Variants in MRPL38 observed in about 807,000 individuals in gnomAD.
The protein encoded by MRPL38 is large ribosomal subunit protein mL38.
MRPL38 carries 51 observed loss-of-function variants against 52.1 expected under a neutral mutation model. The observed-to-expected ratio is 0.98, with a 90% CI of 0.78 to 1.24. The LOEUF is 1.24. MRPL38 is among the 50% of genes most tolerant of loss of function. MRPL38 has a pLI of 0.00. For synonymous variants in MRPL38, 245 were observed against 212.7 expected (o/e 1.15, Z -1.32); for missense variants, 527 against 518.6 (o/e 1.02, Z -0.16).
chr17:75,904,797 C>T lies in MRPL38; in HGVS notation c.67+12G>A. On this transcript the variant is annotated intron_variant, in intron 1 of 8. Transcript: ENST00000309352. The stretch of plus-strand genomic sequence containing the variant: ...CCCCCCCCCCCCCCCCGCAGAGCTG[C>T]CCACCCCTCACCCGAGGTGCTGAAG... 1 of 1,430,398 alleles carries T rather than the reference C, an allele frequency of 7.0e-7. No homozygotes were observed. Among genetic ancestry groups the T allele is most frequent in the Non-Finnish European group, 9.3e-7 (1 of 1,077,376 alleles). 88.6% of individuals were successfully genotyped at this position (1,430,398 alleles called of 1,614,324 possible).
rs1330347033 is a variant in MRPL38 at position 75,898,657 on chromosome 17, C to T, written c.*193G>A. On this transcript the variant is annotated 3_prime_UTR_variant, in exon 9 of 9. Transcript: ENST00000309352. ...TGAGCCACCAAGCCCGGCAAGAAATCATGTTTATTCACATTCCCCACCCCA... is the reference window on the plus strand; with the variant it reads ...TGAGCCACCAAGCCCGGCAAGAAATTATGTTTATTCACATTCCCCACCCCA... 24 of 618,906 alleles carry T rather than the reference C, an allele frequency of 3.9e-5. No individual in the cohort carries two copies. Among genetic ancestry groups the T allele is most frequent in the Admixed American group, 6.1e-5 (2 of 33,036 alleles). The allele number at this position is 618,906 out of a possible 1,614,324, so 38.3% of individuals were successfully genotyped here.
Position 75,904,738 on chromosome 17 carries a change from C to A in MRPL38, c.68-19G>T. On this transcript the variant is annotated intron_variant, in intron 1 of 8. Coordinates refer to ENST00000309352, the MANE Select transcript of MRPL38 (RefSeq NM_032478.4). ...AGGACGGCTGCGGGCAGAGAGAAGA[C>A]GTAAGGCCGGCGCCCCACAGCTCGG... is the stretch of plus-strand genomic sequence containing the variant. The A allele has an allele frequency of 6.7e-7, 1 of 1,503,076 alleles. No individual in the cohort carries two copies. Among genetic ancestry groups the A allele is most frequent in the Non-Finnish European group, 8.8e-7 (1 of 1,133,822 alleles). 93.1% of individuals were successfully genotyped at this position (1,503,076 alleles called of 1,614,324 possible).
At position 75,898,647 on chromosome 17, in the gene MRPL38, G is replaced by C; in HGVS notation, c.*203C>G. 1.7e-6 allele frequency: 1 copy of C among 600,460 alleles called. No homozygotes were observed. Among genetic ancestry groups the C allele is most frequent in the Non-Finnish European group, 2.9e-6 (1 of 347,028 alleles). The allele number at this position is 600,460 out of a possible 1,614,324, so 37.2% of individuals were successfully genotyped here. ...ATTACAGGTGTGAGCCACCAAGCCC[G>C]GCAAGAAATCATGTTTATTCACATT... On this transcript the variant is annotated 3_prime_UTR_variant, in exon 9 of 9. Transcript: ENST00000309352.
In MRPL38 at chr17:75,899,620, G is replaced by T. The variant is rs572018825; in HGVS notation, c.765C>A (p.Leu255=). ...CGGAGCCTCGGGCAGGGAAGGGGGGGAGGTAGGGACACGTCACCTGTCCTT... is the reference window on the plus strand; with the variant it reads ...CGGAGCCTCGGGCAGGGAAGGGGGGTAGGTAGGGACACGTCACCTGTCCTT... ...VAEGQVTCPY[L]PPFPARGSGI... is the part of the protein sequence containing the mutation. The change falls in exon 7 of 9, where the codon CTC becomes CTA. Residue 255 remains leucine (L), a synonymous_variant. Coordinates refer to ENST00000309352, the MANE Select transcript of MRPL38 (RefSeq NM_032478.4). The T allele has an allele frequency of 3.1e-6, 5 of 1,607,280 alleles. No homozygotes were observed. In the South Asian group the frequency reaches 3.3e-5, roughly 11 times the overall value.
At chr17:75,903,573 C>T (rs759213654) in intron 2 of MRPL38, among the ~76,000 whole-genome samples, 11 of 152,096 alleles carry the variant, frequency 7.2e-5, no homozygotes, top group African/African-American at 2.2e-4. Flanking sequence ...GGACATTATC[C>T]GAGAGGCTGA....
Position 75,901,816 on chromosome 17 carries a change from G to C in MRPL38, c.487C>G (p.His163Asp), listed in dbSNP as rs370524919. 9.3e-6 allele frequency: 15 copies of C among 1,613,614 alleles called. No individual in the cohort carries two copies. The highest frequency in any genetic ancestry group is 8.3e-5 in the Admixed American group (5 of 60,020). ...ACTCGGGGCACAAAGGTGGCACCGT[G>C]GAACAGGTCTCGGTAGAGGCCGTAA... ...EYYGLYRDLF[H>D]GATFVPRVPL... The change falls in exon 4 of 9, where the codon CAC becomes GAC. Residue 163 changes from histidine to aspartate, a missense_variant. Transcript: ENST00000309352. This position sits in a 1 kb window ranked among gnomAD's most constrained non-coding sequence, Gnocchi z 5.7.
At chr17:75,904,770 G>GGGGCCCCCCCC in intron 1 of MRPL38, 39 bp downstream of exon 1, 6 of 500,002 alleles carry the variant, frequency 1.2e-5, no homozygotes, top group African/African-American at 5.2e-5. Flanking sequence ...TCGGGCGACA[G>GGGGCCCCCCCC]CCCCCCCCCC....
In MRPL38 at chr17:75,901,861, T is replaced by G; in HGVS notation, c.442A>C (p.Lys148Gln). The G allele has an allele frequency of 6.2e-7, 1 of 1,611,670 alleles. No homozygotes were observed. Among genetic ancestry groups the G allele is most frequent in the African/African-American group, 1.3e-5 (1 of 74,524 alleles). ...EWERTCGPYH[K>Q]QRLAEYYGLY... ...CCGTAATACTCAGCCAGACGCTGCT[T>G]GTGGTAGGGGCCACAGGTCCTCTCC... The change falls in exon 4 of 9, where the codon AAG (lysine) becomes CAG (glutamine). Residue 148 changes from lysine to glutamine, a missense_variant. Lys to Gln is a moderately conservative substitution (Grantham distance 53). Transcript: ENST00000309352. The surrounding 1 kb of genome is among the most constrained non-coding windows in gnomAD (Gnocchi z 5.7).
intron 1 of MRPL38, 21 bp downstream of exon 1, chr17:75,904,779 CCCCCCCCCG>C (rs2065421632): frequency 1.1e-6 from 1 of 951,534 alleles, no homozygotes; most frequent in African/African-American, 2.6e-5. Context: ...AGCCCCCCCC[CCCCCCCCCG>C]CAGAGCTGCC....
chr17:75,898,723 G>A lies in MRPL38; in HGVS notation c.*127C>T, dbSNP rs7370. On this transcript the variant is annotated 3_prime_UTR_variant, in exon 9 of 9. Transcript: ENST00000309352. ...TTTCACTCCAAGCCCTGGGCCTGAC[G>A]GGAGGGGGCCAAAGAGGGGGGCTGC... 0.25 allele frequency: 281,724 copies of A among 1,134,066 alleles called. 36,104 individuals are homozygous for A. Among genetic ancestry groups the A allele is most frequent in the Middle Eastern group, 0.29 (1,295 of 4,434 alleles). 70.3% of individuals were successfully genotyped at this position (1,134,066 alleles called of 1,614,324 possible). A position where few individuals can be genotyped will look rare whatever the true frequency, so the allele number is the denominator to read the frequency against.
At position 75,901,570 on chromosome 17, in the gene MRPL38, GA is replaced by G; in HGVS notation, c.591+141del. ...TCCTTCATTTTGTTCTATTTTCTTT[GA>G]AATTGTCATGGTGTCGTCTTCCAGG... On this transcript the variant is annotated intron_variant, in intron 4 of 8. Coordinates refer to ENST00000309352, the MANE Select transcript of MRPL38 (RefSeq NM_032478.4). The surrounding 1 kb of genome is among the most constrained non-coding windows in gnomAD (Gnocchi z 5.7). 1 of 740,874 alleles carries G rather than the reference GA, an allele frequency of 1.3e-6. No homozygotes were observed. Among genetic ancestry groups the G allele is most frequent in the African/African-American group, 1.8e-5 (1 of 57,008 alleles). 45.9% of individuals were successfully genotyped at this position (740,874 alleles called of 1,614,324 possible). A position where few individuals can be genotyped will look rare whatever the true frequency, so the allele number is the denominator to read the frequency against.
At position 75,901,637 on chromosome 17, in the gene MRPL38, AGTGTCTGTGACACTGAGATGGGAT is replaced by A; in HGVS notation, c.591+51_591+74del. The A allele has an allele frequency of 7.8e-7, 1 of 1,286,200 alleles. No individual in the cohort carries two copies. The highest frequency in any genetic ancestry group is 1.1e-6 in the Non-Finnish European group (1 of 889,844). The allele number at this position is 1,286,200 out of a possible 1,614,324, so 79.7% of individuals were successfully genotyped here. A position where few individuals can be genotyped will look rare whatever the true frequency, so the allele number is the denominator to read the frequency against. On this transcript the variant is annotated intron_variant, in intron 4 of 8. Transcript: ENST00000309352. The surrounding 1 kb of genome is among the most constrained non-coding windows in gnomAD (Gnocchi z 5.7). ...AGAACAACAAAATTCCAAACCCAGG[AGTGTCTGTGACACTGAGATGGGAT>A]GTGTCTGTGTTTGCACAGGGCAGGG... is the stretch of plus-strand genomic sequence containing the variant.
Position 75,904,733 on chromosome 17 carries a change from G to A in MRPL38, c.68-14C>T. On this transcript the variant is annotated splice_polypyrimidine_tract_variant and intron_variant, in intron 1 of 8. Coordinates refer to ENST00000309352, the MANE Select transcript of MRPL38 (RefSeq NM_032478.4). ...GGCCCAGGACGGCTGCGGGCAGAGAGAAGACGTAAGGCCGGCGCCCCACAG... is the reference window on the plus strand; with the variant it reads ...GGCCCAGGACGGCTGCGGGCAGAGAAAAGACGTAAGGCCGGCGCCCCACAG... 2.7e-6 allele frequency: 4 copies of A among 1,458,810 alleles called. No individual in the cohort carries two copies. Among genetic ancestry groups the A allele is most frequent in the Non-Finnish European group, 3.6e-6 (4 of 1,098,436 alleles). The allele number at this position is 1,458,810 out of a possible 1,614,324, so 90.4% of individuals were successfully genotyped here.
Position 75,902,023 on chromosome 17 carries a change from T to G in MRPL38, c.379A>C (p.Thr127Pro). The change falls in exon 3 of 9, where the codon ACA becomes CCA. Residue 127 changes from threonine (T) to proline (P), a missense_variant. Thr to Pro is a conservative substitution (Grantham distance 38, BLOSUM62 -1). Transcript: ENST00000309352. ...CCCCTCCCCTGAGAAGGCTTACCTG[T>G]GCGGAGGCGGGCAGCCCGCTCCTCT... is the stretch of plus-strand genomic sequence containing the variant. Reference protein sequence around the residue: ...VEEERAARLRTASVPLDAVRA... With the variant: ...VEEERAARLRPASVPLDAVRA... 1.2e-6 allele frequency: 2 copies of G among 1,613,790 alleles called. No homozygotes were observed. Among genetic ancestry groups the G allele is most frequent in the Non-Finnish European group, 1.7e-6 (2 of 1,179,834 alleles).
At position 75,901,305 on chromosome 17, in the gene MRPL38, A is replaced by C. The variant is rs768269004; in HGVS notation, c.592-32T>G. On this transcript the variant is annotated intron_variant, in intron 4 of 8. Transcript: ENST00000309352. This position sits in a 1 kb window ranked among gnomAD's most constrained non-coding sequence, Gnocchi z 5.7. ...GGGTGAGAAGGAAGCTGTCAGCCCCACCAGGGACAGGCCAGCTGTTGCAGG... is the reference window on the plus strand; with the variant it reads ...GGGTGAGAAGGAAGCTGTCAGCCCCCCCAGGGACAGGCCAGCTGTTGCAGG... 3 of 1,606,804 alleles carry C rather than the reference A, an allele frequency of 1.9e-6. No individual in the cohort carries two copies. In the Admixed American group the frequency reaches 5.0e-5, roughly 27 times the overall value.
chr17:75,901,448 A>G lies in MRPL38; in HGVS notation c.592-175T>C. ...CCCTGCAGAGTTGCCTGTCCAGGCA[A>G]CAACCACAAAAACGAACATGTGCCA... On this transcript the variant is annotated intron_variant, in intron 4 of 8. Transcript: ENST00000309352. This position sits in a 1 kb window ranked among gnomAD's most constrained non-coding sequence, Gnocchi z 5.7. The G allele has an allele frequency of 1.4e-6, 1 of 710,546 alleles. No individual in the cohort carries two copies. 44.0% of individuals were successfully genotyped at this position (710,546 alleles called of 1,614,324 possible).
In MRPL38 at chr17:75,898,722, CGGG is replaced by C; in HGVS notation, c.*125_*127del. Reference sequence around the variant, plus strand: ...CTTTCACTCCAAGCCCTGGGCCTGACGGGAGGGGGCCAAAGAGGGGGGCTGCCT... The same window carrying C: ...CTTTCACTCCAAGCCCTGGGCCTGACAGGGGGCCAAAGAGGGGGGCTGCCT... On this transcript the variant is annotated 3_prime_UTR_variant, in exon 9 of 9. Transcript: ENST00000309352. 2 of 1,131,946 alleles carry C rather than the reference CGGG, an allele frequency of 1.8e-6. No individual in the cohort carries two copies. The highest frequency in any genetic ancestry group is 2.5e-6 in the Non-Finnish European group (2 of 793,636). The allele number at this position is 1,131,946 out of a possible 1,614,324, so 70.1% of individuals were successfully genotyped here. A position where few individuals can be genotyped will look rare whatever the true frequency, so the allele number is the denominator to read the frequency against.
In MRPL38 at chr17:75,898,943, G is replaced by A; in HGVS notation, c.1050C>T (p.Tyr350=). 1 of 1,607,988 alleles carries A rather than the reference G, an allele frequency of 6.2e-7. No individual in the cohort carries two copies. The highest frequency in any genetic ancestry group is 1.1e-5 in the South Asian group (1 of 90,876). The change falls in exon 9 of 9, where the codon TAC becomes TAT. Residue 350 remains tyrosine (Y), a synonymous_variant. Transcript: ENST00000309352. ...PVFEFVRPPP[Y]HPKQKRFPHR... is the part of the protein sequence containing the mutation. The stretch of plus-strand genomic sequence containing the variant: ...GGGGGAAGCGCTTCTGCTTGGGGTG[G>A]TAAGGGGGCGGCCGCACGAACTCAA...
At chr17:75,904,425 C>T in intron 2 of MRPL38, 115 bp downstream of exon 2, 3 of 1,149,554 alleles carry the variant, frequency 2.6e-6, no homozygotes, top group Non-Finnish European at 3.8e-6. Context: ...GCCCTCCCAG[C>T]GTCCCCAGCA....
Sources: allele counts gnomAD v4.1 joint callset (sites outside exome capture counted in the v4.1 genomes callset), GRCh38; gene constraint gnomAD v4.1.1; non-coding constraint Gnocchi (gnomAD v3.1); transcripts MANE v1.5; gene names NCBI Gene and HGNC (gene_info 2026-07-23, HGNC 2026-07-21).